NDC1: variants seen among roughly 807,000 people sequenced by gnomAD.
NDC1 encodes NDC1 transmembrane nucleoporin.
NDC1 carries 24 observed loss-of-function variants against 89.8 expected under a neutral mutation model. That is an observed-to-expected ratio of 0.27 (90% CI 0.19 to 0.38). The LOEUF (loss-of-function observed/expected upper bound fraction) is 0.38. Ranked by LOEUF, NDC1 falls within the 10% of genes least tolerant of loss-of-function variation. The pLI is 1.00. For synonymous variants in NDC1, 296 were observed against 284.8 expected, an observed-to-expected ratio of 1.04 and a Z score of -0.39; for missense variants, 728 against 797.6, an observed-to-expected ratio of 0.91 and a Z score of 1.05.
At chr1:53,830,074 C>T (rs1250111232) in intron 3 of NDC1, among the ~76,000 whole-genome samples, 1 of 151,858 alleles carries the variant, frequency 6.6e-6, no homozygotes, top group East Asian at 1.9e-4. Context: ...TCACTTGAAC[C>T]CGGGAGGCAG....
At chr1:53,812,142 C>G (rs1648329041) in intron 6 of NDC1, among the ~76,000 whole-genome samples, 2 of 152,190 alleles carry the variant, frequency 1.3e-5, no homozygotes, top group Non-Finnish European at 2.9e-5. Flanking sequence ...TCTGACAGAG[C>G]CTACCCAAAT....
chr1:53,798,138 TTTATTATTATTA>T lies in NDC1; in HGVS notation c.1223-1006_1223-995del, dbSNP rs71063883. Among the ~76,000 whole-genome samples, 225 of 133,008 alleles carry T rather than the reference TTTATTATTATTA, an allele frequency of 1.7e-3. 2 individuals are homozygous for T. The highest frequency in any genetic ancestry group is 0.015 in the East Asian group (72 of 4,664). The allele number at this position is 133,008 out of a possible 152,430, so 87.3% of individuals were successfully genotyped here. ...CATTGCATTAGGATTCCATCTTCTT[TTTATTATTATTA>T]TTATTATTATTATTATTATTATTAT... On this transcript the variant is annotated intron_variant, in intron 11 of 17. Transcript: ENST00000371429.
At position 53,765,823 on chromosome 1, in the gene NDC1, G is replaced by A. The variant is rs1647060951; in HGVS notation, c.*2147C>T. On this transcript the variant is annotated 3_prime_UTR_variant, in exon 18 of 18. Transcript: ENST00000371429. ...TCAGGCCAATGTTACAGCATTAGTG[G>A]GCTCATAGACAGGATGTGACTTCAT... 1 of 152,132 alleles carries A rather than the reference G, an allele frequency of 6.6e-6. No homozygotes were observed. Among genetic ancestry groups the A allele is most frequent in the Non-Finnish European group, 1.5e-5 (1 of 68,046 alleles). 9.4% of individuals were successfully genotyped at this position (152,132 alleles called of 1,614,324 possible).
At chr1:53,801,826 A>G (rs1647929520) in intron 10 of NDC1, among the ~76,000 whole-genome samples, 1 of 152,136 alleles carries the variant, frequency 6.6e-6, no homozygotes, top group African/African-American at 2.4e-5. Flanking sequence ...GCAGGATCTC[A>G]GCTCACTGCA....
At chr1:53,773,615 C>A (rs1198386111) in intron 16 of NDC1, among the ~76,000 whole-genome samples, 1 of 152,148 alleles carries the variant, frequency 6.6e-6, no homozygotes, top group Non-Finnish European at 1.5e-5. Context: ...TACAGACGAG[C>A]GGCTTCACAG....
At chr1:53,810,710 G>C (rs923581104) in intron 6 of NDC1, among the ~76,000 whole-genome samples, 1 of 152,190 alleles carries the variant, frequency 6.6e-6, no homozygotes, top group Non-Finnish European at 1.5e-5. Flanking sequence ...TTCAAGACTA[G>C]CCTGGGCAAC....
intron 8 of NDC1, among the ~76,000 whole-genome samples, chr1:53,807,379 G>A (rs1027603854): frequency 1.2e-4 from 18 of 151,474 alleles, no homozygotes; most frequent in African/African-American, 4.4e-4. Flanking sequence ...TAGAGAAATG[G>A]AAGCCCCCAG....
At chr1:53,770,191 T>A (rs891364288) in intron 17 of NDC1, among the ~76,000 whole-genome samples, 2 of 152,148 alleles carry the variant, frequency 1.3e-5, no homozygotes, top group African/African-American at 4.8e-5. Context: ...TTTATTTTAT[T>A]TATGTATTTA....
At chr1:53,828,615 T>A (rs977163642) in intron 3 of NDC1, among the ~76,000 whole-genome samples, 5 of 151,716 alleles carry the variant, frequency 3.3e-5, no homozygotes, top group African/African-American at 4.8e-5. Flanking sequence ...TTTTATTTTA[T>A]TTTATTTATT....
chr1:53,772,319 G>A lies in NDC1; in HGVS notation c.1961+10C>T. On this transcript the variant is annotated intron_variant, in intron 17 of 17. Coordinates refer to ENST00000371429, the MANE Select transcript of NDC1 (RefSeq NM_018087.5). The stretch of plus-strand genomic sequence containing the variant: ...TAGGTATCATCATGGATCAAAACAG[G>A]TAAACTTACTTCAGATGTTCACCAA... 1.2e-6 allele frequency: 2 copies of A among 1,612,726 alleles called. No individual in the cohort carries two copies. Among genetic ancestry groups the A allele is most frequent in the Non-Finnish European group, 1.7e-6 (2 of 1,179,108 alleles).
intron 9 of NDC1, among the ~76,000 whole-genome samples, chr1:53,805,066 A>C (rs1310580386): frequency 1.3e-5 from 2 of 152,196 alleles, no homozygotes; most frequent in Non-Finnish European, 2.9e-5. Flanking sequence ...TGATACTTTT[A>C]AGTTTCTCTA....
chr1:53,825,467 CTACACAGAG>C (rs1648823438), intron 5 of NDC1, among the ~76,000 whole-genome samples: 1 of 108,498 alleles, frequency 9.2e-6, no homozygotes, highest in South Asian at 2.3e-4. Flanking sequence ...AAAAAAGAAG[CTACACAGAG>C]TACTTTGCAT....
intron 5 of NDC1, among the ~76,000 whole-genome samples, chr1:53,820,075 T>C (rs1648612962): frequency 6.6e-6 from 1 of 152,004 alleles, no homozygotes; most frequent in Non-Finnish European, 1.5e-5. Context: ...ACCAATGTGG[T>C]GAAACCCCGT....
intron 5 of NDC1, among the ~76,000 whole-genome samples, chr1:53,821,590 A>G (rs1210534485): frequency 6.6e-6 from 1 of 152,182 alleles, no homozygotes; most frequent in Admixed American, 6.5e-5. Flanking sequence ...TACCACCACC[A>G]CACACCTGCC....
Position 53,767,415 on chromosome 1 carries a change from A to G in NDC1, c.*555T>C, listed in dbSNP as rs1480945178. On this transcript the variant is annotated 3_prime_UTR_variant, in exon 18 of 18. Transcript: ENST00000371429. ...TTTTTTGGGTAATCATACAAATTTAATTTGTCCCTGGAAACAAAAACCCAA... is the reference window on the plus strand; with the variant it reads ...TTTTTTGGGTAATCATACAAATTTAGTTTGTCCCTGGAAACAAAAACCCAA... 6.6e-6 allele frequency: 1 copy of G among 152,158 alleles called. No individual in the cohort carries two copies. The highest frequency in any genetic ancestry group is 1.5e-5 in the Non-Finnish European group (1 of 68,022). 9.4% of individuals were successfully genotyped at this position (152,158 alleles called of 1,614,324 possible).
At chr1:53,801,583 C>T (rs937140089) in intron 10 of NDC1, among the ~76,000 whole-genome samples, 5 of 152,132 alleles carry the variant, frequency 3.3e-5, no homozygotes, top group Admixed American at 3.3e-4. Flanking sequence ...ATCCTATGTG[C>T]CAAATGATCA....
chr1:53,837,690 T>C (rs1649282177), intron 1 of NDC1, among the ~76,000 whole-genome samples: 1 of 152,198 alleles, frequency 6.6e-6, no homozygotes, highest in Non-Finnish European at 1.5e-5. Context: ...CTCTTTCTCT[T>C]TGCACTCCAG....
At position 53,789,106 on chromosome 1, in the gene NDC1, T is replaced by C. The variant is rs755485919; in HGVS notation, c.1699+27A>G. On this transcript the variant is annotated intron_variant, in intron 15 of 17. Transcript: ENST00000371429. ...AATATTTAACTGACAATTAAAATCATAGTTACAGTTCACAGTCATTGCTTA... is the reference window on the plus strand; with the variant it reads ...AATATTTAACTGACAATTAAAATCACAGTTACAGTTCACAGTCATTGCTTA... The C allele has an allele frequency of 8.3e-6, 12 of 1,437,370 alleles. No homozygotes were observed. In the East Asian group the frequency reaches 9.1e-5, roughly 11 times the overall value. The allele number at this position is 1,437,370 out of a possible 1,614,324, so 89.0% of individuals were successfully genotyped here.
chr1:53,794,110 G>T (rs537767874), intron 13 of NDC1, among the ~76,000 whole-genome samples: 23 of 151,994 alleles, frequency 1.5e-4, no homozygotes, highest in African/African-American at 5.5e-4. Context: ...CAAGTAGCTA[G>T]GACTACAGGA....
Sources: allele counts gnomAD v4.1 joint callset (sites outside exome capture counted in the v4.1 genomes callset), GRCh38; gene constraint gnomAD v4.1.1; transcripts MANE v1.5; gene names NCBI Gene and HGNC (gene_info 2026-07-23, HGNC 2026-07-21).